HS1BP3: variants seen among roughly 807,000 people sequenced by gnomAD.
HS1BP3 encodes the protein HCLS1 binding protein 3.
HS1BP3 carries 32 observed loss-of-function variants against 33.5 expected under a neutral mutation model. The ratio of observed to expected loss-of-function variants is 0.95; its 90% confidence interval spans 0.72 to 1.28. HS1BP3 has a LOEUF of 1.28. HS1BP3 is among the 50% of genes most tolerant of loss of function. The probability of loss-of-function intolerance (pLI) is 0.00; values close to 1 mark genes in which losing one functional copy is unlikely to be tolerated. For synonymous variants in HS1BP3, 187 were observed against 209.2 expected (o/e 0.89, Z 0.92); for missense variants, 486 against 502.3 (o/e 0.97, Z 0.31).
At chr2:20,598,621 G>C (rs904096221) in intron 2 of HS1BP3, among the ~76,000 whole-genome samples, 4 of 125,854 alleles carry the variant, frequency 3.2e-5, no homozygotes, top group South Asian at 2.7e-4. Flanking sequence ...TGCAGTGGCG[G>C]GATCTCGGCT....
the HS1BP3 span, among the ~76,000 whole-genome samples, chr2:20,554,080 T>C: frequency 6.6e-6 from 1 of 152,134 alleles, no homozygotes. Context: ...CTATGTTACA[T>C]TACAGGGGAG....
chr2:20,588,479 C>T (rs537818592), downstream of HS1BP3, among the ~76,000 whole-genome samples: 32 of 152,160 alleles, frequency 2.1e-4, no homozygotes, highest in Admixed American at 4.6e-4. Context: ...CCACGCCTGG[C>T]TAATTTTTTT....
chr2:20,594,600 C>T (rs1395763819), intron 3 of HS1BP3, among the ~76,000 whole-genome samples: 2 of 152,234 alleles, frequency 1.3e-5, no homozygotes, highest in East Asian at 3.8e-4. Flanking sequence ...TTTGCAGCAA[C>T]AAGGCCAGCC....
Position 20,574,667 on chromosome 2 carries a change from C to T in HS1BP3, c.303-14152G>A, listed in dbSNP as rs549221622. 1.2e-4 allele frequency among the ~76,000 whole-genome samples: 18 copies of T among 152,330 alleles called. No homozygotes were observed. In the South Asian group the frequency reaches 2.7e-3, roughly 23 times the overall value. ...GGTGGATGAGATGACAGTGACCTGG[C>T]CAGCCCCACTCAGTGGGCACCTGGC... On this transcript the variant is annotated intron_variant, in intron 5 of 5. Transcript: ENST00000446825.
intron 1 of HS1BP3, among the ~76,000 whole-genome samples, chr2:20,646,034 C>T (rs1695510177): frequency 6.6e-6 from 1 of 152,234 alleles, no homozygotes; most frequent in African/African-American, 2.4e-5. Flanking sequence ...AGGCCCGTCC[C>T]TCATCTGGGC....
At chr2:20,625,231 G>A (rs112252557) in intron 4 of HS1BP3, among the ~76,000 whole-genome samples, 3,407 of 152,372 alleles carry the variant, frequency 0.022, 146 homozygotes, top group African/African-American at 0.078. Context: ...GTGGGCAGCT[G>A]TGCCCTGTGT....
chr2:20,650,657 G>C (rs990646827), intron 1 of HS1BP3, among the ~76,000 whole-genome samples: 3 of 152,212 alleles, frequency 2.0e-5, no homozygotes, highest in Admixed American at 2.0e-4. Context: ...GCCCAGCACC[G>C]GGCCTGGGAC....
intron 5 of HS1BP3, among the ~76,000 whole-genome samples, chr2:20,587,470 T>C (rs1693709305): frequency 6.6e-6 from 1 of 151,732 alleles, no homozygotes; most frequent in African/African-American, 2.4e-5. Flanking sequence ...TTTCAGAGGG[T>C]AGAGGTGAGG....
At chr2:20,617,463 C>G (rs1459464484), downstream of HS1BP3, among the ~76,000 whole-genome samples, 1 of 152,192 alleles carries the variant, frequency 6.6e-6, no homozygotes, top group Non-Finnish European at 1.5e-5. Context: ...TCCTCTCACT[C>G]TAGCACTGGT....
chr2:20,574,802 C>G (rs898045887), intron 5 of HS1BP3, among the ~76,000 whole-genome samples: 1 of 152,176 alleles, frequency 6.6e-6, no homozygotes, highest in Non-Finnish European at 1.5e-5. Flanking sequence ...CCAATCCTGT[C>G]CCTGGATCAG....
chr2:20,640,638 T>A (rs1157743115), intron 3 of HS1BP3: 3 of 512,356 alleles, frequency 5.9e-6, no homozygotes, highest in Non-Finnish European at 1.1e-5. Flanking sequence ...GTGGGGTGTG[T>A]GTCAGGGGGT....
At chr2:20,622,141 G>C (rs1694620564) in intron 6 of HS1BP3, 1 of 1,253,834 alleles carries the variant, frequency 8.0e-7, no homozygotes, top group South Asian at 1.3e-5. Flanking sequence ...GGGTGGCTGA[G>C]GCTAGTGACA....
In HS1BP3 at chr2:20,604,459, G is replaced by A. The variant is rs867291959; in HGVS notation, c.179-6194C>T. 2.0e-5 allele frequency among the ~76,000 whole-genome samples: 3 copies of A among 152,198 alleles called. No homozygotes were observed. The South Asian group carries it at 6.2e-4, about 32-fold the overall frequency. On this transcript the variant is annotated intron_variant, in intron 2 of 3. Coordinates refer to the HS1BP3 transcript ENST00000415264. ...TCGTGTTAGAGACAGGTCGACTGAGGTCCAGGGATAGGTGAGCCTGGCTCA... is the reference window on the plus strand; with the variant it reads ...TCGTGTTAGAGACAGGTCGACTGAGATCCAGGGATAGGTGAGCCTGGCTCA...
chr2:20,615,597 A>G (rs1000937385), downstream of HS1BP3, among the ~76,000 whole-genome samples: 7 of 152,210 alleles, frequency 4.6e-5, no homozygotes, highest in Non-Finnish European at 8.8e-5. Context: ...CAGGACCACT[A>G]TGTGGGGACA....
chr2:20,595,370 T>G (rs982137267), intron 3 of HS1BP3, among the ~76,000 whole-genome samples: 1 of 152,140 alleles, frequency 6.6e-6, no homozygotes, highest in Non-Finnish European at 1.5e-5. Context: ...AGGTCATGCA[T>G]AGAAAATTCC....
chr2:20,575,882 G>A (rs1693388317), intron 5 of HS1BP3, among the ~76,000 whole-genome samples: 1 of 152,216 alleles, frequency 6.6e-6, no homozygotes, highest in Non-Finnish European at 1.5e-5. Context: ...TTTTTAAAAG[G>A]TAGCTATTTA....
downstream of HS1BP3, among the ~76,000 whole-genome samples, chr2:20,556,736 G>C (rs1013039769): frequency 3.9e-5 from 6 of 152,192 alleles, no homozygotes; most frequent in Non-Finnish European, 7.3e-5. Context: ...CCCATCAGTT[G>C]CTGCATTTTA....
chr2:20,629,835 C>A (rs13394013), intron 4 of HS1BP3, among the ~76,000 whole-genome samples: 2,028 of 152,318 alleles, frequency 0.013, 47 homozygotes, highest in African/African-American at 0.046. Context: ...CGGCAGCTGC[C>A]GCGGCTGACA....
intron 5 of HS1BP3, among the ~76,000 whole-genome samples, chr2:20,568,236 G>A (rs1693183090): frequency 6.6e-6 from 1 of 152,220 alleles, no homozygotes; most frequent in Non-Finnish European, 1.5e-5. Flanking sequence ...GGGGGCTGCA[G>A]TCTCACACGT....
Sources: allele counts gnomAD v4.1 joint callset (sites outside exome capture counted in the v4.1 genomes callset), GRCh38; gene constraint gnomAD v4.1.1; transcripts MANE v1.5; gene names NCBI Gene and HGNC (gene_info 2026-07-23, HGNC 2026-07-21).